FAM167B: variants seen among roughly 807,000 people sequenced by gnomAD.
FAM167B encodes protein FAM167B.
FAM167B carries 7 observed loss-of-function variants against 15.4 expected under a neutral mutation model. The ratio of observed to expected loss-of-function variants is 0.46; its 90% CI spans 0.26 to 0.86. The LOEUF is 0.86. Ranked by LOEUF, FAM167B falls within the 40% of genes least tolerant of loss-of-function variation. The pLI is 0.17. For missense variants in FAM167B, 207 were observed against 208.3 expected, an observed-to-expected ratio of 0.99 and a Z score of 0.04; for synonymous variants, 100 against 94.6, an observed-to-expected ratio of 1.06 and a Z score of -0.33.
chr1:32,247,824 C>T (rs963575251), intron 1 of FAM167B, 142 bp downstream of exon 1: 12 of 700,908 alleles, frequency 1.7e-5, no homozygotes, highest in Admixed American at 3.8e-5. Context: ...GCTGAGGAGC[C>T]GGGAATGGAC....
At position 32,248,565 on chromosome 1, in the gene FAM167B, C is replaced by A; in HGVS notation, c.456C>A (p.Arg152=). 6.5e-7 allele frequency: 1 copy of A among 1,547,976 alleles called. No homozygotes were observed. The highest frequency in any genetic ancestry group is 2.0e-5 in the Admixed American group (1 of 50,952). Residue 152 remains arginine (R), a synonymous_variant, in exon 2 of 2, where the codon CGC becomes CGA. Transcript: ENST00000373582. ...APLLRHLGLT[R]MNISARRFTL... is the part of the protein sequence containing the mutation. ...TGCTGCGGCACCTGGGCCTCACGCG[C>A]ATGAACATCAGCGCCCGGCGCTTCA...
Position 32,248,587 on chromosome 1 carries a change from T to G in FAM167B, c.478T>G (p.Phe160Val), listed in dbSNP as rs780952264. 46 of 1,540,750 alleles carry G rather than the reference T, an allele frequency of 3.0e-5. No individual in the cohort carries two copies. Among genetic ancestry groups the G allele is most frequent in the Middle Eastern group, 3.7e-4 (2 of 5,372 alleles). ...GCGCATGAACATCAGCGCCCGGCGC[T>G]TCACCCTCTGCTGAGGAACACCTGT... ...LTRMNISARR[F>V]TLC Residue 160 changes from phenylalanine (F) to valine (V), a missense_variant, in exon 2 of 2, where the codon TTC (phenylalanine) becomes GTC (valine). Phe to Val is a conservative substitution (Grantham distance 50, BLOSUM62 -1). Transcript: ENST00000373582.
Position 32,248,747 on chromosome 1 carries a change from C to A in FAM167B, c.*146C>A. The A allele has an allele frequency of 2.7e-6, 2 of 740,568 alleles. No homozygotes were observed. The highest frequency in any genetic ancestry group is 4.3e-6 in the Non-Finnish European group (2 of 466,112). The allele number at this position is 740,568 out of a possible 1,614,324, so 45.9% of individuals were successfully genotyped here. A position where few individuals can be genotyped will look rare whatever the true frequency, so the allele number is the denominator to read the frequency against. ...ATTCAGGTTTCTGAGAGCTGAATTC[C>A]AAGAGTGCAAAACCCCAGCATCCTG... On this transcript the variant is annotated 3_prime_UTR_variant, in exon 2 of 2. Transcript: ENST00000373582.
Position 32,247,355 on chromosome 1 carries a change from C to CA in FAM167B, c.-65dup. On this transcript the variant is annotated 5_prime_UTR_variant, in exon 1 of 2. Transcript: ENST00000373582. ...TCAACTTCTGCCACCTCTCCCTGGG[C>CA]AATACTGCCAGCCTTTCCCTAATCT... 1 of 1,457,680 alleles carries CA rather than the reference C, an allele frequency of 6.9e-7. No homozygotes were observed. The highest frequency in any genetic ancestry group is 9.1e-7 in the Non-Finnish European group (1 of 1,101,806). 90.3% of individuals were successfully genotyped at this position (1,457,680 alleles called of 1,614,324 possible).
chr1:32,248,161 C>T (rs1246281928), intron 1 of FAM167B, among the ~76,000 whole-genome samples: 2 of 152,170 alleles, frequency 1.3e-5, no homozygotes, highest in African/African-American at 4.8e-5. Context: ...GGATGGGGCC[C>T]AGGCAGTTGG....
Position 32,247,601 on chromosome 1 carries a change from C to A in FAM167B, c.180C>A (p.Ala60=). 2 of 1,553,396 alleles carry A rather than the reference C, an allele frequency of 1.3e-6. No individual in the cohort carries two copies. The highest frequency in any genetic ancestry group is 1.7e-6 in the Non-Finnish European group (2 of 1,148,392). ...VQSQAWRRAQ[A]KPGPGGPGDI... is the part of the protein sequence containing the mutation. ...GCCAGGCCTGGCGCAGGGCCCAAGC[C>A]AAACCTGGACCAGGGGGACCTGGGG... Residue 60 remains alanine (A), a synonymous_variant, in exon 1 of 2, where the codon GCC becomes GCA. Transcript: ENST00000373582.
intron 1 of FAM167B, 83 bp downstream of exon 1, chr1:32,247,765 G>A (rs1557563206): frequency 1.5e-6 from 2 of 1,327,178 alleles, no homozygotes; most frequent in Non-Finnish European, 2.0e-6. Context: ...CATGGGGAAG[G>A]GATGAGAATG....
chr1:32,247,714 G>C lies in FAM167B; in HGVS notation c.261+32G>C, dbSNP rs779992844. 3.4e-6 allele frequency: 5 copies of C among 1,454,056 alleles called. No homozygotes were observed. The African/African-American group carries it at 5.8e-5, about 17-fold the overall frequency. 90.1% of individuals were successfully genotyped at this position (1,454,056 alleles called of 1,614,324 possible). A position where few individuals can be genotyped will look rare whatever the true frequency, so the allele number is the denominator to read the frequency against. On this transcript the variant is annotated intron_variant, in intron 1 of 1. Transcript: ENST00000373582. ...CTGGTGGGGTGGGCAGCTTTGCCCA[G>C]GGCCTTCAGGCTGGTCCTCCTTAGG...
chr1:32,248,514 C>G lies in FAM167B; in HGVS notation c.405C>G (p.Pro135=). Residue 135 remains proline (P), a synonymous_variant, in exon 2 of 2, where the codon CCC becomes CCG. Coordinates refer to ENST00000373582, the MANE Select transcript of FAM167B (RefSeq NM_032648.3). The stretch of plus-strand genomic sequence containing the variant: ...CCGAGCTGGAGCTGGAGCTGGAGCC[C>G]GGGGCCGGCCTAGCCCTGGCCCCGC... ...DEAELELELE[P]GAGLALAPLL... The G allele has an allele frequency of 1.3e-6, 2 of 1,576,922 alleles. No homozygotes were observed. Among genetic ancestry groups the G allele is most frequent in the Non-Finnish European group, 1.7e-6 (2 of 1,163,540 alleles).
intron 1 of FAM167B, 74 bp downstream of exon 1, chr1:32,247,756 A>T: frequency 7.2e-7 from 1 of 1,379,612 alleles, no homozygotes; most frequent in East Asian, 2.7e-5. Context: ...GACCACAGGC[A>T]TGGGGAAGGG....
In FAM167B at chr1:32,247,352, G is replaced by GGGCAATACT. The variant is rs1639420749; in HGVS notation, c.-68_-60dup. ...CCCTCAACTTCTGCCACCTCTCCCTGGGCAATACTGCCAGCCTTTCCCTAA... is the reference window on the plus strand; with the variant it reads ...CCCTCAACTTCTGCCACCTCTCCCTGGGCAATACTGGCAATACTGCCAGCCTTTCCCTAA... On this transcript the variant is annotated 5_prime_UTR_variant, in exon 1 of 2. Coordinates refer to ENST00000373582, the MANE Select transcript of FAM167B (RefSeq NM_032648.3). The GGGCAATACT allele has an allele frequency of 2.7e-6, 4 of 1,456,888 alleles. No homozygotes were observed. Among genetic ancestry groups the GGGCAATACT allele is most frequent in the Non-Finnish European group, 2.7e-6 (3 of 1,101,462 alleles). 90.2% of individuals were successfully genotyped at this position (1,456,888 alleles called of 1,614,324 possible).
In FAM167B at chr1:32,248,192, TTAGCTGGGTTTGAGAACCACCAG is replaced by T. The variant is rs568623388; in HGVS notation, c.262-178_262-156del. Among the ~76,000 whole-genome samples the T allele has an allele frequency of 8.0e-4, 122 of 152,284 alleles. 1 individual carries two copies. The highest frequency in any genetic ancestry group is 7.7e-4 in the East Asian group (4 of 5,186). On this transcript the variant is annotated intron_variant, in intron 1 of 1. Transcript: ENST00000373582. ...GTTGGATTTGCTTAATAATGACTCC[TTAGCTGGGTTTGAGAACCACCAG>T]GTGAAGCCAGATTGGGAGATAGGGA...
rs769201597 is a variant in FAM167B, at chr1:32,248,708, G to C, written c.*107G>C. 7.2e-6 allele frequency: 7 copies of C among 977,120 alleles called. No homozygotes were observed. The highest frequency in any genetic ancestry group is 1.0e-5 in the Non-Finnish European group (7 of 680,916). 60.5% of individuals were successfully genotyped at this position (977,120 alleles called of 1,614,324 possible). A position where few individuals can be genotyped will look rare whatever the true frequency, so the allele number is the denominator to read the frequency against. On this transcript the variant is annotated 3_prime_UTR_variant, in exon 2 of 2. Coordinates refer to ENST00000373582, the MANE Select transcript of FAM167B (RefSeq NM_032648.3). ...TGCCCCAGAGGCACCAGCTCCTGGC[G>C]GGGGAGGAGGAACATTCAGGTTTCT...
chr1:32,247,480 AG>A lies in FAM167B; in HGVS notation c.64del (p.Glu22ArgfsTer6), dbSNP rs2124286376. On this transcript the variant is annotated frameshift_variant, in exon 1 of 2. Transcript: ENST00000373582. LOFTEE classifies it high-confidence loss of function. ...AVGEEDEEDE[E>X]GESLDSVKAL... Reference sequence around the variant, plus strand: ...GGTGAAGAGGACGAGGAGGATGAGGAGGGGGAGAGCCTGGACTCTGTGAAGG... The same window carrying A: ...GGTGAAGAGGACGAGGAGGATGAGGAGGGGAGAGCCTGGACTCTGTGAAGG... 6.2e-7 allele frequency: 1 copy of A among 1,601,364 alleles called. No homozygotes were observed. The highest frequency in any genetic ancestry group is 8.5e-7 in the Non-Finnish European group (1 of 1,174,020).
Position 32,247,696 on chromosome 1 carries a change from G to A in FAM167B, c.261+14G>A. The A allele has an allele frequency of 6.9e-7, 1 of 1,457,320 alleles. No homozygotes were observed. Among genetic ancestry groups the A allele is most frequent in the Non-Finnish European group, 9.1e-7 (1 of 1,101,942 alleles). The allele number at this position is 1,457,320 out of a possible 1,614,324, so 90.3% of individuals were successfully genotyped here. A position where few individuals can be genotyped will look rare whatever the true frequency, so the allele number is the denominator to read the frequency against. On this transcript the variant is annotated intron_variant, in intron 1 of 1. Coordinates refer to ENST00000373582, the MANE Select transcript of FAM167B (RefSeq NM_032648.3). ...CGACGGGAGCTGGTGAGTCTGGTGG[G>A]GTGGGCAGCTTTGCCCAGGGCCTTC...
chr1:32,247,520 G>C lies in FAM167B; in HGVS notation c.99G>C (p.Lys33Asn). 2 of 1,608,482 alleles carry C rather than the reference G, an allele frequency of 1.2e-6. No individual in the cohort carries two copies. The highest frequency in any genetic ancestry group is 8.5e-7 in the Non-Finnish European group (1 of 1,177,320). ...ACTCTGTGAAGGCACTGACAGCCAA[G>C]CTGCAGCTGCAGACTCGGCGGCCCT... ...SLDSVKALTA[K>N]LQLQTRRPSY... The change falls in exon 1 of 2, where the codon AAG becomes AAC. Residue 33 changes from lysine to asparagine, a missense_variant. Lys to Asn is a moderately conservative substitution (Grantham distance 94). Coordinates refer to ENST00000373582, the MANE Select transcript of FAM167B (RefSeq NM_032648.3).
intron 1 of FAM167B, 103 bp downstream of exon 1, chr1:32,247,785 T>A: frequency 1.7e-6 from 2 of 1,156,294 alleles, no homozygotes; most frequent in South Asian, 4.4e-5. Flanking sequence ...GGACCCTGCC[T>A]CCAGCAACCG....
Position 32,247,435 on chromosome 1 carries a change from T to A in FAM167B, c.14T>A (p.Leu5Gln). The A allele has an allele frequency of 6.4e-7, 1 of 1,557,462 alleles. No individual in the cohort carries two copies. The highest frequency in any genetic ancestry group is 8.7e-7 in the Non-Finnish European group (1 of 1,150,058). ...CTCAAACCTGCCATGTCCCTGGGGC[T>A]ACTGAAATTCCAGGCAGTGGGTGAA... MSLGLLKFQAVGEED... is the reference protein window; with the variant it reads MSLGQLKFQAVGEED... Residue 5 changes from leucine to glutamine, a missense_variant, in exon 1 of 2, where the codon CTA becomes CAA. Leu to Gln is a moderately radical substitution (Grantham distance 113). Coordinates refer to ENST00000373582, the MANE Select transcript of FAM167B (RefSeq NM_032648.3).
In FAM167B at chr1:32,248,156, G is replaced by C. The variant is rs79254272; in HGVS notation, c.262-215G>C. Among the ~76,000 whole-genome samples, 957 of 152,322 alleles carry C rather than the reference G, an allele frequency of 6.3e-3. 11 individuals carry two copies. Among genetic ancestry groups the C allele is most frequent in the African/African-American group, 0.022 (920 of 41,568 alleles). On this transcript the variant is annotated intron_variant, in intron 1 of 1. Transcript: ENST00000373582. Reference sequence around the variant, plus strand: ...GATTCTGCTTAGTTGATTTGGGATGGGGCCCAGGCAGTTGGATTTGCTTAA... The same window carrying C: ...GATTCTGCTTAGTTGATTTGGGATGCGGCCCAGGCAGTTGGATTTGCTTAA...
Sources: gnomAD v4.1 joint callset for allele counts (sites outside exome capture counted in the v4.1 genomes callset) on GRCh38, gnomAD v4.1.1 for gene constraint, MANE v1.5 for transcripts, NCBI Gene and HGNC (gene_info 2026-07-23, HGNC 2026-07-21) for gene names.